PADI4: variants seen among roughly 807,000 people sequenced by gnomAD.
PADI4 encodes peptidyl arginine deiminase 4.
Under a neutral mutation model 75.0 loss-of-function variants are expected in PADI4, and 62 were observed. The ratio of observed to expected loss-of-function variants is 0.83; its 90% CI spans 0.67 to 1.02. The LOEUF (loss-of-function observed/expected upper bound fraction) is 1.02. PADI4 is among the 50% of genes least tolerant of loss of function. The probability of loss-of-function intolerance (pLI) is 0.00; values close to 1 mark genes in which losing one functional copy is unlikely to be tolerated. For missense variants in PADI4, 845 were observed against 850.5 expected, an observed-to-expected ratio of 0.99 and a Z score of 0.08; for synonymous variants, 361 against 348.1, an observed-to-expected ratio of 1.04 and a Z score of -0.41.
In PADI4 at chr1:17,334,013, AG is replaced by A. The variant is rs1376202376; in HGVS notation, c.340+5del. On this transcript the variant is annotated splice_donor_5th_base_variant and intron_variant, in intron 3 of 15. Coordinates refer to ENST00000375448, the MANE Select transcript of PADI4 (RefSeq NM_012387.3). ...CTACTCTACCTCACCGGGGTGGGTA[AG>A]TGACAACCAGGATCCTAGAGTGCCG... 1 of 1,588,954 alleles carries A rather than the reference AG, an allele frequency of 6.3e-7. No homozygotes were observed.
At chr1:17,343,023 T>TA (rs2074451361) in intron 8 of PADI4, among the ~76,000 whole-genome samples, 1 of 151,506 alleles carries the variant, frequency 6.6e-6, no homozygotes, top group East Asian at 1.9e-4. Context: ...CCGTCTCTAC[T>TA]AAAAATACAA....
chr1:17,348,408 G>C (rs1300198642), intron 10 of PADI4, among the ~76,000 whole-genome samples: 1 of 152,184 alleles, frequency 6.6e-6, no homozygotes, highest in Middle Eastern at 3.2e-3. Flanking sequence ...TGGAGGCTCT[G>C]TCTTATGGGT....
chr1:17,319,930 G>A (rs572653587), intron 1 of PADI4, among the ~76,000 whole-genome samples: 49 of 152,254 alleles, frequency 3.2e-4, no homozygotes, highest in Middle Eastern at 3.4e-3. Context: ...CCTTTCAGCC[G>A]AACTTAAAAT....
intron 10 of PADI4, among the ~76,000 whole-genome samples, chr1:17,353,952 A>G (rs938703023): frequency 6.6e-6 from 1 of 152,142 alleles, no homozygotes; most frequent in Non-Finnish European, 1.5e-5. Flanking sequence ...TTAAGAGAAT[A>G]AATGTGGCTG....
intron 1 of PADI4, among the ~76,000 whole-genome samples, chr1:17,315,816 T>C (rs1006006686): frequency 2.6e-5 from 4 of 151,984 alleles, no homozygotes; most frequent in South Asian, 2.1e-4. Context: ...CTTTCCATTT[T>C]TGGAGAAAAT....
intron 10 of PADI4, chr1:17,348,678 A>G (rs1236930091): frequency 1.3e-5 from 2 of 152,172 alleles, no homozygotes; most frequent in Non-Finnish European, 2.9e-5. Context: ...TGACTCATTT[A>G]ATTTGATAAA....
chr1:17,363,981 T>C lies in PADI4; in HGVS notation c.*226T>C, dbSNP rs2074885737. The C allele has an allele frequency of 2.4e-6, 1 of 423,486 alleles. No homozygotes were observed. 26.2% of individuals were successfully genotyped at this position (423,486 alleles called of 1,614,324 possible). ...CTGCTCTAAGAAGCTGCAATAAAGT[T>C]TTTTTAAGTCACTTTGTACATGAGG... On this transcript the variant is annotated 3_prime_UTR_variant, in exon 16 of 16. Transcript: ENST00000375448.
In PADI4 at chr1:17,333,996, C is replaced by A; in HGVS notation, c.327C>A (p.Tyr109Ter). The part of the protein sequence containing the change: ...PKTPPVKALL[Y>*]LTGVEISLCA... ...CTCCACCAGTCAAAGCTCTACTCTA[C>A]CTCACCGGGGTGGGTAAGTGACAAC... is the stretch of plus-strand genomic sequence containing the variant. The change falls in exon 3 of 16, where the codon TAC (tyrosine) becomes TAA (stop). Residue 109 changes from tyrosine to a stop codon, truncating the protein, a stop_gained. Coordinates refer to ENST00000375448, the MANE Select transcript of PADI4 (RefSeq NM_012387.3). LOFTEE classifies it high-confidence loss of function. The A allele has an allele frequency of 6.2e-7, 1 of 1,611,442 alleles. No homozygotes were observed. The highest frequency in any genetic ancestry group is 2.2e-5 in the East Asian group (1 of 44,836).
chr1:17,356,603 C>A lies in PADI4; in HGVS notation c.1558+144C>A. ...GGCACTGTGCCAAGTGCTAGGGAGACTGCATGAACAGGGCAGAACAGCTTG... is the reference window on the plus strand; with the variant it reads ...GGCACTGTGCCAAGTGCTAGGGAGAATGCATGAACAGGGCAGAACAGCTTG... On this transcript the variant is annotated intron_variant, in intron 13 of 15. Transcript: ENST00000375448. This position sits in a 1 kb window ranked among gnomAD's most constrained non-coding sequence, Gnocchi z 4.1. The A allele has an allele frequency of 3.3e-6, 2 of 606,586 alleles. No individual in the cohort carries two copies. Among genetic ancestry groups the A allele is most frequent in the Non-Finnish European group, 6.0e-6 (2 of 332,316 alleles). 37.6% of individuals were successfully genotyped at this position (606,586 alleles called of 1,614,324 possible).
In PADI4 at chr1:17,356,694, G is replaced by T. The variant is rs1435304377; in HGVS notation, c.1558+235G>T. 1.3e-5 allele frequency among the ~76,000 whole-genome samples: 2 copies of T among 152,202 alleles called. No individual in the cohort carries two copies. The highest frequency in any genetic ancestry group is 4.8e-5 in the African/African-American group (2 of 41,452). On this transcript the variant is annotated intron_variant, in intron 13 of 15. Transcript: ENST00000375448. The surrounding 1 kb of genome is among the most constrained non-coding windows in gnomAD (Gnocchi z 4.1). Reference sequence around the variant, plus strand: ...AGAACAGCTCCAACACAGGGGCTTTGAGGGGTGTCTGAGTGGATGGAGCTC... The same window carrying T: ...AGAACAGCTCCAACACAGGGGCTTTTAGGGGTGTCTGAGTGGATGGAGCTC...
chr1:17,355,735 G>T lies in PADI4; in HGVS notation c.1311-248G>T, dbSNP rs147407177. 3.0e-3 allele frequency among the ~76,000 whole-genome samples: 458 copies of T among 152,344 alleles called. 4 individuals are homozygous for T. Among genetic ancestry groups the T allele is most frequent in the African/African-American group, 0.011 (437 of 41,588 alleles). ...AGCATCTCATCTAACTCAAGAGGCA[G>T]TGCTTTCTGAGGCTAAGCTCTGTTC... On this transcript the variant is annotated intron_variant, in intron 11 of 15. Coordinates refer to ENST00000375448, the MANE Select transcript of PADI4 (RefSeq NM_012387.3).
At position 17,326,101 on chromosome 1, in the gene PADI4, GA is replaced by G. The variant is rs528819165; in HGVS notation, c.93-4857del. 7.2e-3 allele frequency among the ~76,000 whole-genome samples: 1,038 copies of G among 145,172 alleles called. 10 individuals carry two copies. The highest frequency in any genetic ancestry group is 0.023 in the African/African-American group (913 of 39,838). On this transcript the variant is annotated intron_variant, in intron 1 of 15. Coordinates refer to ENST00000375448, the MANE Select transcript of PADI4 (RefSeq NM_012387.3). The stretch of plus-strand genomic sequence containing the variant: ...GTTAACCTTTTATCAACTATCTACA[GA>G]AAAAAAAAAATCTGCTTTATCTTCA...
At position 17,348,041 on chromosome 1, in the gene PADI4, G is replaced by T; in HGVS notation, c.1148G>T (p.Arg383Leu). 1 of 1,598,392 alleles carries T rather than the reference G, an allele frequency of 6.3e-7. No homozygotes were observed. Among genetic ancestry groups the T allele is most frequent in the Non-Finnish European group, 8.6e-7 (1 of 1,165,892 alleles). The change falls in exon 10 of 16, where the codon CGC becomes CTC. Residue 383 changes from arginine to leucine, a missense_variant. Coordinates refer to ENST00000375448, the MANE Select transcript of PADI4 (RefSeq NM_012387.3). Reference protein sequence around the residue: ...NRGLKEFPIKRVMGPDFGYVT... With the variant: ...NRGLKEFPIKLVMGPDFGYVT... The stretch of plus-strand genomic sequence containing the variant: ...GGCCTGAAGGAGTTTCCCATCAAAC[G>T]CGTGATGGTACCTGCATGGGGTGGG...
chr1:17,341,707 T>C (rs2074421272), intron 6 of PADI4, among the ~76,000 whole-genome samples: 1 of 152,110 alleles, frequency 6.6e-6, no homozygotes, highest in African/African-American at 2.4e-5. Context: ...CCTATAAAGT[T>C]TGGAATAGCT....
intron 1 of PADI4, among the ~76,000 whole-genome samples, chr1:17,312,849 T>C (rs1366832966): frequency 6.7e-6 from 1 of 149,208 alleles, no homozygotes; most frequent in Non-Finnish European, 1.5e-5. Flanking sequence ...GTGAGGGAGA[T>C]ATGTAGCTTT....
At chr1:17,333,483 C>T (rs1486408769) in intron 2 of PADI4, among the ~76,000 whole-genome samples, 1 of 151,974 alleles carries the variant, frequency 6.6e-6, no homozygotes, top group African/African-American at 2.4e-5. Context: ...CCTGAAGAAA[C>T]CTCCATCCAC....
intron 8 of PADI4, 32 bp downstream of exon 8, chr1:17,342,434 A>C: frequency 7.6e-7 from 1 of 1,310,700 alleles, no homozygotes; most frequent in Non-Finnish European, 1.1e-6. Context: ...GGGTGGGTCC[A>C]GACAACAAAG....
chr1:17,318,257 C>G (rs1330030679), intron 1 of PADI4, among the ~76,000 whole-genome samples: 1 of 152,180 alleles, frequency 6.6e-6, no homozygotes, highest in Non-Finnish European at 1.5e-5. Flanking sequence ...TGGCACCAGG[C>G]TGGGCTGCAA....
At position 17,356,440 on chromosome 1, in the gene PADI4, G is replaced by C. The variant is rs773418547; in HGVS notation, c.1539G>C (p.Leu513=). The C allele has an allele frequency of 6.2e-7, 1 of 1,606,296 alleles. No individual in the cohort carries two copies. The change falls in exon 13 of 16, where the codon CTG becomes CTC. Residue 513 remains leucine (L), a synonymous_variant. Coordinates refer to ENST00000375448, the MANE Select transcript of PADI4 (RefSeq NM_012387.3). The surrounding 1 kb of genome is among the most constrained non-coding windows in gnomAD (Gnocchi z 4.1). ...EQQNEGHGEA[L]LFEGIKKKKQ... is the part of the protein sequence containing the mutation. ...AGAATGAGGGCCACGGGGAGGCCCT[G>C]CTGTTCGAAGGGATCAAGAGTAAGT...
Sources: allele counts gnomAD v4.1 joint callset (sites outside exome capture counted in the v4.1 genomes callset), GRCh38; gene constraint gnomAD v4.1.1; non-coding constraint Gnocchi (gnomAD v3.1); transcripts MANE v1.5; gene names NCBI Gene and HGNC (gene_info 2026-07-23, HGNC 2026-07-21).